The following SKAP1 variants were observed in gnomAD, a reference collection of about 807,000 sequenced individuals.
SKAP1 encodes src kinase-associated phosphoprotein 1.
In SKAP1, 44 loss-of-function variants were observed where a neutral mutation model predicts 58.5. The ratio of observed to expected loss-of-function variants is 0.75; its 90% CI spans 0.59 to 0.97. The LOEUF is 0.97. SKAP1 is among the 50% of genes least tolerant of loss of function. SKAP1 has a pLI of 0.00. For synonymous variants in SKAP1, 127 were observed against 149.7 expected (o/e 0.85, Z 1.11); for missense variants, 390 against 435.2 (o/e 0.90, Z 0.92).
chr17:48,247,676 T>C (rs1005833659), intron 4 of SKAP1, among the ~76,000 whole-genome samples: 3 of 152,214 alleles, frequency 2.0e-5, no homozygotes, highest in African/African-American at 4.8e-5. Flanking sequence ...TTTATATATA[T>C]ATTTTTTCAT....
At chr17:48,176,624 A>G (rs1432331905) in intron 9 of SKAP1, among the ~76,000 whole-genome samples, 1 of 152,206 alleles carries the variant, frequency 6.6e-6, no homozygotes, top group Non-Finnish European at 1.5e-5. Flanking sequence ...ACCAGATACC[A>G]ACCTTGAAAC....
intron 4 of SKAP1, among the ~76,000 whole-genome samples, chr17:48,212,296 A>G (rs1250264827): frequency 6.6e-6 from 1 of 152,184 alleles, no homozygotes; most frequent in African/African-American, 2.4e-5. Context: ...GAGGCCTCAA[A>G]TAAATGAAGT....
intron 4 of SKAP1, among the ~76,000 whole-genome samples, chr17:48,320,498 C>T (rs1349335188): frequency 1.3e-5 from 2 of 152,190 alleles, no homozygotes. Flanking sequence ...AACTTTATAA[C>T]TCCTAAAAAT....
At chr17:48,261,940 C>A (rs539571341) in intron 4 of SKAP1, among the ~76,000 whole-genome samples, 24 of 152,172 alleles carry the variant, frequency 1.6e-4, no homozygotes, top group Admixed American at 6.5e-5. Context: ...CAATTTCATT[C>A]TTCTCCAGAT....
chr17:48,229,277 C>T (rs2065101767), intron 4 of SKAP1, among the ~76,000 whole-genome samples: 1 of 152,098 alleles, frequency 6.6e-6, no homozygotes, highest in African/African-American at 2.4e-5. Context: ...TCATCAACTA[C>T]CTAGAAGCAT....
chr17:48,220,132 G>A lies in SKAP1; in HGVS notation c.281-30632C>T, dbSNP rs78348817. ...AATGGTACAAGTCTGTTGGAAAAAT[G>A]TTTGGTAGAATCTCCTAAAGCGGAA... On this transcript the variant is annotated intron_variant, in intron 4 of 12. Coordinates refer to ENST00000336915, the MANE Select transcript of SKAP1 (RefSeq NM_003726.4). Among the ~76,000 whole-genome samples, 585 of 152,298 alleles carry A rather than the reference G, an allele frequency of 3.8e-3. 3 individuals are homozygous for A. The highest frequency in any genetic ancestry group is 0.013 in the African/African-American group (559 of 41,560).
chr17:48,257,628 C>CTTTTTTTTTTTTTTTTTTTTTGTTT (rs56225931), intron 4 of SKAP1, among the ~76,000 whole-genome samples: 1 of 111,148 alleles, frequency 9.0e-6, no homozygotes, highest in African/African-American at 3.2e-5. Context: ...TTCTTTCTTT[C>CTTTTTTTTTTTTTTTTTTTTTGTTT]TTTTTTTTTT....
chr17:48,351,654 T>C (rs2066803376), intron 3 of SKAP1, among the ~76,000 whole-genome samples: 1 of 152,188 alleles, frequency 6.6e-6, no homozygotes, highest in Non-Finnish European at 1.5e-5. Context: ...ACTACAGTTT[T>C]TAGCTTAGCT....
intron 4 of SKAP1, among the ~76,000 whole-genome samples, chr17:48,270,289 C>T (rs1259812538): frequency 6.6e-6 from 1 of 152,026 alleles, no homozygotes; most frequent in Non-Finnish European, 1.5e-5. Flanking sequence ...ACATACACAC[C>T]TAATTTTAGC....
chr17:48,200,891 C>T lies in SKAP1; in HGVS notation c.281-11391G>A, dbSNP rs116817754. ...TTTCTCTTTTTATCCCCAGGGGCCT[C>T]GTACACACAGTAGGTACCCAATAAT... is the stretch of plus-strand genomic sequence containing the variant. On this transcript the variant is annotated intron_variant, in intron 4 of 12. Coordinates refer to ENST00000336915, the MANE Select transcript of SKAP1 (RefSeq NM_003726.4). 1.6e-3 allele frequency among the ~76,000 whole-genome samples: 249 copies of T among 152,258 alleles called. 1 individual carries two copies. Among genetic ancestry groups the T allele is most frequent in the African/African-American group, 5.8e-3 (242 of 41,542 alleles).
chr17:48,381,478 C>T (rs2067214254), intron 2 of SKAP1, among the ~76,000 whole-genome samples: 1 of 152,346 alleles, frequency 6.6e-6, no homozygotes, highest in Non-Finnish European at 1.5e-5. Flanking sequence ...ATGATGCCAA[C>T]TCATCCATGA....
chr17:48,307,957 T>C (rs535311903), intron 4 of SKAP1: 7 of 152,214 alleles, frequency 4.6e-5, no homozygotes, highest in Non-Finnish European at 7.3e-5. Context: ...CTTTCTACTT[T>C]GAACATAGCA....
At chr17:48,377,265 G>T (rs1445687017) in intron 2 of SKAP1, 1 of 152,108 alleles carries the variant, frequency 6.6e-6, no homozygotes, top group Non-Finnish European at 1.5e-5. Flanking sequence ...GTTCGACTGA[G>T]GTTGAAGACT....
chr17:48,361,896 C>T (rs2066943582), intron 3 of SKAP1, among the ~76,000 whole-genome samples: 1 of 152,164 alleles, frequency 6.6e-6, no homozygotes, highest in Non-Finnish European at 1.5e-5. Context: ...TCCTACCCAT[C>T]CCACCAGCTT....
At chr17:48,233,710 G>A (rs2065149380) in intron 4 of SKAP1, among the ~76,000 whole-genome samples, 1 of 151,984 alleles carries the variant, frequency 6.6e-6, no homozygotes, top group Admixed American at 6.6e-5. Flanking sequence ...CAAAAAATTA[G>A]CCGGGCATAG....
intron 4 of SKAP1, among the ~76,000 whole-genome samples, chr17:48,287,098 A>AAAATAAATAAATAAATAAAT (rs57589895): frequency 6.8e-6 from 1 of 146,942 alleles, no homozygotes; most frequent in Admixed American, 6.8e-5. Flanking sequence ...CTCCGTCTCA[A>AAAATAAATAAATAAATAAAT]AAATAAATAA....
chr17:48,193,771 C>G, intron 4 of SKAP1: 2 of 980,848 alleles, frequency 2.0e-6, no homozygotes, highest in South Asian at 9.4e-5. Context: ...TGGATCCACA[C>G]CTACTGGTAA....
At chr17:48,369,750 A>G (rs1039748803) in intron 2 of SKAP1, among the ~76,000 whole-genome samples, 1 of 152,210 alleles carries the variant, frequency 6.6e-6, no homozygotes, top group Non-Finnish European at 1.5e-5. Flanking sequence ...TGAGGCATCA[A>G]GGATTAAATA....
intron 11 of SKAP1, among the ~76,000 whole-genome samples, chr17:48,153,587 C>T (rs1003814698): frequency 6.6e-6 from 1 of 152,258 alleles, no homozygotes; most frequent in African/African-American, 2.4e-5. Context: ...GTGGGGACAG[C>T]TTCTGCTTCT....
Sources: gnomAD v4.1 joint callset for allele counts (sites outside exome capture counted in the v4.1 genomes callset) on GRCh38, gnomAD v4.1.1 for gene constraint, MANE v1.5 for transcripts, NCBI Gene and HGNC (gene_info 2026-07-23, HGNC 2026-07-21) for gene names.